The following RANBP2 variants were observed in gnomAD, a reference collection of about 807,000 sequenced individuals.
The protein encoded by RANBP2 is RAN binding protein 2, also known as E3 SUMO-protein ligase RanBP2.
In RANBP2, 57 loss-of-function variants were observed where a neutral mutation model predicts 303.6. That is an observed-to-expected ratio of 0.19 (90% CI 0.15 to 0.23). The LOEUF (loss-of-function observed/expected upper bound fraction) is 0.23. RANBP2 is among the 10% of genes least tolerant of loss of function. RANBP2 has a pLI of 1.00. For synonymous variants in RANBP2, 1,167 were observed against 1,301.5 expected, an observed-to-expected ratio of 0.90 and a Z score of 2.23; for missense variants, 3,138 against 3,780.8, an observed-to-expected ratio of 0.83 and a Z score of 4.46.
chr2:109,447,147 TAAAAAAAAAAAAAAAA>T, the RANBP2 span, among the ~76,000 whole-genome samples: 1 of 82,704 alleles, frequency 1.2e-5, no homozygotes, highest in African/African-American at 3.8e-5. Context: ...CCTGAATATT[TAAAAAAAAAAAAAAAA>T]AAAAAGAAAA....
the RANBP2 span, among the ~76,000 whole-genome samples, chr2:109,207,796 A>G: frequency 6.6e-6 from 1 of 152,186 alleles, no homozygotes; most frequent in Non-Finnish European, 1.5e-5. Flanking sequence ...GATTTTGATC[A>G]GTTTAAATGG....
the RANBP2 span, among the ~76,000 whole-genome samples, chr2:109,207,282 G>A: frequency 1.3e-5 from 2 of 152,020 alleles, no homozygotes; most frequent in Non-Finnish European, 2.9e-5. Context: ...AATCATTAGA[G>A]TAAGCTGTGT....
At chr2:109,078,096 A>ATATATATATATATATATATGGCG in the RANBP2 span, among the ~76,000 whole-genome samples, 3 of 54,652 alleles carry the variant, frequency 5.5e-5, no homozygotes, top group African/African-American at 3.2e-4. Context: ...ATATATATAT[A>ATATATATATATATATATATGGCG]TATATATATA....
At chr2:109,528,020 G>A in the RANBP2 span, among the ~76,000 whole-genome samples, 4 of 152,208 alleles carry the variant, frequency 2.6e-5, no homozygotes, top group Non-Finnish European at 5.9e-5. Context: ...CTGTGCCCAT[G>A]AGCAGCTTCC....
the RANBP2 span, among the ~76,000 whole-genome samples, chr2:108,799,354 A>G: frequency 3.9e-5 from 6 of 152,180 alleles, no homozygotes; most frequent in South Asian, 2.1e-4. Context: ...GTACATTTCT[A>G]TGAGTTTTGA....
At chr2:108,768,446 G>C in intron 20 of RANBP2, 58 bp downstream of exon 20, 2 of 1,605,264 alleles carry the variant, frequency 1.2e-6, no homozygotes, top group South Asian at 1.1e-5. Context: ...TGTTTAGCTT[G>C]ATGCAGACTC....
the RANBP2 span, among the ~76,000 whole-genome samples, chr2:109,458,511 A>C: frequency 6.6e-6 from 1 of 151,598 alleles, no homozygotes; most frequent in African/African-American, 2.4e-5. Flanking sequence ...GGAATACTAT[A>C]AAAATTAATT....
At chr2:109,036,391 A>G in the RANBP2 span, among the ~76,000 whole-genome samples, 1 of 152,250 alleles carries the variant, frequency 6.6e-6, no homozygotes, top group Non-Finnish European at 1.5e-5. Context: ...TACAGAAAAG[A>G]AAGTTATAGA....
At chr2:108,905,633 G>C in the RANBP2 span, among the ~76,000 whole-genome samples, 9 of 152,150 alleles carry the variant, frequency 5.9e-5, no homozygotes, top group Non-Finnish European at 1.3e-4. Flanking sequence ...ACGGAGGGAG[G>C]CCAGCGAGTC....
chr2:108,759,472 G>T (rs1676567182), intron 18 of RANBP2, among the ~76,000 whole-genome samples: 1 of 152,044 alleles, frequency 6.6e-6, no homozygotes, highest in South Asian at 2.1e-4. Context: ...CTTCTGAAAT[G>T]GTAGTAGTAG....
At chr2:109,289,087 G>A in the RANBP2 span, among the ~76,000 whole-genome samples, 1 of 152,132 alleles carries the variant, frequency 6.6e-6, no homozygotes, top group Non-Finnish European at 1.5e-5. Context: ...CTGAGGAGCT[G>A]GCGTTATAAA....
the RANBP2 span, among the ~76,000 whole-genome samples, chr2:109,486,216 T>A: frequency 6.6e-6 from 1 of 152,242 alleles, no homozygotes; most frequent in Non-Finnish European, 1.5e-5. Context: ...TTCTGATTGA[T>A]CACTTCCTAT....
At chr2:109,589,452 A>T in the RANBP2 span, among the ~76,000 whole-genome samples, 1 of 152,102 alleles carries the variant, frequency 6.6e-6, no homozygotes, top group African/African-American at 2.4e-5. Context: ...GAACCGCTTG[A>T]ACCTGAGGCG....
the RANBP2 span, among the ~76,000 whole-genome samples, chr2:108,818,450 A>T: frequency 1.2e-4 from 18 of 152,310 alleles, no homozygotes; most frequent in Non-Finnish European, 1.9e-4. Context: ...CATGTTCAGG[A>T]TTTACAGTTT....
At chr2:109,526,432 C>T in the RANBP2 span, among the ~76,000 whole-genome samples, 1 of 152,172 alleles carries the variant, frequency 6.6e-6, no homozygotes, top group African/African-American at 2.4e-5. Flanking sequence ...CTCAGCCTTC[C>T]AAGTAGTTAG....
At chr2:109,416,012 C>T in the RANBP2 span, among the ~76,000 whole-genome samples, 2 of 152,284 alleles carry the variant, frequency 1.3e-5, no homozygotes, top group East Asian at 1.9e-4. Flanking sequence ...TCAGCCCCCT[C>T]GTCATGTGAT....
the RANBP2 span, chr2:109,124,639 A>C: frequency 2.6e-5 from 4 of 152,214 alleles, no homozygotes; most frequent in Non-Finnish European, 5.9e-5. Flanking sequence ...TTGTCAGAAA[A>C]TACATAACAT....
At chr2:109,472,743 C>T in the RANBP2 span, among the ~76,000 whole-genome samples, 205 of 152,288 alleles carry the variant, frequency 1.3e-3, no homozygotes, top group African/African-American at 4.8e-3. Flanking sequence ...GAATGCATTC[C>T]ATTTGATCTA....
the RANBP2 span, among the ~76,000 whole-genome samples, chr2:109,218,535 C>G: frequency 7.2e-5 from 11 of 152,144 alleles, no homozygotes; most frequent in African/African-American, 2.7e-4. Flanking sequence ...GGTACGGATG[C>G]CTTCTGACCA....
Sources: allele counts gnomAD v4.1 joint callset (sites outside exome capture counted in the v4.1 genomes callset), GRCh38; gene constraint gnomAD v4.1.1; transcripts MANE v1.5; gene names NCBI Gene and HGNC (gene_info 2026-07-23, HGNC 2026-07-21).